FOXP1: variants seen among roughly 807,000 people sequenced by gnomAD.
FOXP1 encodes the protein forkhead box protein P1.
A neutral mutation model predicts 98.2 loss-of-function variants in FOXP1; 15 were observed. The observed-to-expected ratio is 0.15, with a 90% CI of 0.10 to 0.24. The LOEUF (loss-of-function observed/expected upper bound fraction) is 0.24, where lower values mean the gene tolerates loss of function less well. FOXP1 is among the 10% of genes least tolerant of loss of function. FOXP1 has a pLI of 1.00. For synonymous variants in FOXP1, 371 were observed against 314.5 expected (o/e 1.18, Z -1.90); for missense variants, 633 against 848.5 (o/e 0.75, Z 3.15).
chr3:71,463,095 G>T (rs2088306238), intron 3 of FOXP1, among the ~76,000 whole-genome samples: 1 of 152,110 alleles, frequency 6.6e-6, no homozygotes, highest in Non-Finnish European at 1.5e-5. Flanking sequence ...AAGCATGGTG[G>T]CTCACACCTG....
intron 3 of FOXP1, among the ~76,000 whole-genome samples, chr3:71,466,952 A>G (rs1024151682): frequency 7.2e-5 from 11 of 152,334 alleles, no homozygotes; most frequent in Admixed American, 2.0e-4. Context: ...CTTAGCTTCA[A>G]TGGGAAAACT....
At chr3:71,525,623 C>A (rs1213181263) in intron 2 of FOXP1, among the ~76,000 whole-genome samples, 1 of 152,194 alleles carries the variant, frequency 6.6e-6, no homozygotes, top group Admixed American at 6.5e-5. Flanking sequence ...AAAGACCTCA[C>A]CATCTTCCTT....
chr3:71,227,035 C>T (rs1406635919), intron 5 of FOXP1, among the ~76,000 whole-genome samples: 1 of 152,114 alleles, frequency 6.6e-6, no homozygotes, highest in East Asian at 1.9e-4. Context: ...CGGTGCCGGG[C>T]CTCCTGGACC....
At chr3:71,334,369 C>T (rs56393771) in intron 4 of FOXP1, 57,631 of 151,852 alleles carry the variant, frequency 0.38, 13,005 homozygotes, top group East Asian at 0.73. Flanking sequence ...GATCATGCTA[C>T]TGTACTCCAG....
chr3:71,547,420 G>A (rs971864374), intron 2 of FOXP1, among the ~76,000 whole-genome samples: 1 of 152,202 alleles, frequency 6.6e-6, no homozygotes, highest in Non-Finnish European at 1.5e-5. Flanking sequence ...CCAAAAAGAA[G>A]GTAGAGGTGG....
chr3:70,966,544 AAAAGG>A (rs1323473510), intron 19 of FOXP1, among the ~76,000 whole-genome samples: 48 of 152,350 alleles, frequency 3.2e-4, no homozygotes, highest in African/African-American at 1.2e-3. Flanking sequence ...GATCCTATAG[AAAAGG>A]AAGAGATTAT....
At chr3:71,059,345 T>C (rs78896974) in intron 7 of FOXP1, among the ~76,000 whole-genome samples, 190 of 152,296 alleles carry the variant, frequency 1.2e-3, no homozygotes, top group African/African-American at 4.5e-3. Context: ...TGCATATTTG[T>C]TTACAGCAGA....
At chr3:71,330,728 G>C (rs575206986) in intron 4 of FOXP1, among the ~76,000 whole-genome samples, 2 of 152,328 alleles carry the variant, frequency 1.3e-5, no homozygotes, top group East Asian at 3.9e-4. Flanking sequence ...ATAAGGTTAT[G>C]TGGCAACATT....
chr3:71,185,181 C>A (rs58302810), intron 6 of FOXP1, among the ~76,000 whole-genome samples: 32,544 of 151,378 alleles, frequency 0.21, 3,749 homozygotes, highest in Middle Eastern at 0.31. Flanking sequence ...TGACAGACCA[C>A]GACTCCGTCT....
Position 71,126,743 on chromosome 3 carries a change from G to C in FOXP1, c.181-14106C>G, listed in dbSNP as rs1247325070. 7.2e-4 allele frequency among the ~76,000 whole-genome samples: 109 copies of C among 151,468 alleles called. 1 individual carries two copies. Among genetic ancestry groups the C allele is most frequent in the Non-Finnish European group, 3.4e-4 (23 of 67,896 alleles). On this transcript the variant is annotated intron_variant, in intron 6 of 20. Coordinates refer to ENST00000649528, the MANE Select transcript of FOXP1 (RefSeq NM_001349338.3). ...GGAGGACGATGCATGAGAATCCCTT[G>C]AACCCGTGAGATGGAGGCTGCAGTC...
At chr3:71,203,402 G>C (rs2063793989) in intron 5 of FOXP1, among the ~76,000 whole-genome samples, 1 of 152,226 alleles carries the variant, frequency 6.6e-6, no homozygotes, top group East Asian at 1.9e-4. Flanking sequence ...GTTGCCAACA[G>C]AGCTGCTCTC....
At chr3:71,355,107 G>T (rs1282413989) in intron 4 of FOXP1, among the ~76,000 whole-genome samples, 4 of 152,186 alleles carry the variant, frequency 2.6e-5, no homozygotes, top group Non-Finnish European at 5.9e-5. Context: ...CCCAAGGGCA[G>T]TATTTTATTC....
intron 2 of FOXP1, among the ~76,000 whole-genome samples, chr3:71,506,063 A>C (rs897906807): frequency 6.6e-6 from 1 of 152,226 alleles, no homozygotes; most frequent in Non-Finnish European, 1.5e-5. Flanking sequence ...CCGGGAGTAC[A>C]TGATTAATTG....
intron 3 of FOXP1, among the ~76,000 whole-genome samples, chr3:71,417,666 A>G (rs981629506): frequency 1.3e-5 from 2 of 152,138 alleles, no homozygotes; most frequent in African/African-American, 4.8e-5. Flanking sequence ...CCTTTCAACC[A>G]AAAGGTTGGG....
chr3:71,068,789 A>C (rs534966940), intron 7 of FOXP1, among the ~76,000 whole-genome samples: 1 of 152,346 alleles, frequency 6.6e-6, no homozygotes, highest in African/African-American at 2.4e-5. Context: ...TACAAAATGT[A>C]AGCCCAGTAA....
At chr3:71,130,457 T>A in intron 6 of FOXP1, 1 of 1,588,664 alleles carries the variant, frequency 6.3e-7, no homozygotes, top group Non-Finnish European at 8.5e-7. Flanking sequence ...TTTAAAAGTT[T>A]AACCCAGCAA....
intron 2 of FOXP1, among the ~76,000 whole-genome samples, chr3:71,553,722 A>G (rs2045932665): frequency 6.6e-6 from 1 of 152,238 alleles, no homozygotes; most frequent in Non-Finnish European, 1.5e-5. Flanking sequence ...ACAAAAGTTT[A>G]ATAACATCAA....
At chr3:71,492,479 A>AT in intron 3 of FOXP1, among the ~76,000 whole-genome samples, 1 of 151,914 alleles carries the variant, frequency 6.6e-6, no homozygotes, top group East Asian at 1.9e-4. Flanking sequence ...AAAATCAAAG[A>AT]GAGAGCCTAA....
At chr3:71,038,330 T>G (rs11915092) in intron 11 of FOXP1, among the ~76,000 whole-genome samples, 1 of 152,080 alleles carries the variant, frequency 6.6e-6, no homozygotes, top group Non-Finnish European at 1.5e-5. Context: ...TGGGGTCAGA[T>G]AGTTATTCAG....
Sources: gnomAD v4.1 joint callset for allele counts (sites outside exome capture counted in the v4.1 genomes callset) on GRCh38, gnomAD v4.1.1 for gene constraint, MANE v1.5 for transcripts, NCBI Gene and HGNC (gene_info 2026-07-23, HGNC 2026-07-21) for gene names.